XPR1: variants seen among roughly 807,000 people sequenced by gnomAD.
XPR1 encodes xenotropic and polytropic retrovirus receptor 1.
Under a neutral mutation model 87.5 loss-of-function variants are expected in XPR1, and 28 were observed. That is an observed-to-expected ratio of 0.32 (90% confidence interval 0.24 to 0.44). XPR1 has a LOEUF of 0.44. XPR1 is among the 20% of genes least tolerant of loss of function. The pLI, the probability that XPR1 is intolerant of heterozygous loss-of-function variation, is 1.00. For synonymous variants in XPR1, 300 were observed against 306.1 expected, an observed-to-expected ratio of 0.98 and a Z score of 0.21; for missense variants, 559 against 862.3, an observed-to-expected ratio of 0.65 and a Z score of 4.41.
Position 180,680,211 on chromosome 1 carries a change from AAAAAC to A in XPR1, c.70-2129_70-2125del, listed in dbSNP as rs575837051. Among the ~76,000 whole-genome samples the A allele has an allele frequency of 8.6e-3, 1,301 of 151,976 alleles. 18 individuals are homozygous for A. Among genetic ancestry groups the A allele is most frequent in the African/African-American group, 0.028 (1,140 of 41,342 alleles). ...CAGTTAGGCTGTTATCAAAACGACA[AAAAAC>A]AAAACAAAACAAAACAAAAACAATA... On this transcript the variant is annotated intron_variant, in intron 1 of 14. Coordinates refer to ENST00000367590, the MANE Select transcript of XPR1 (RefSeq NM_004736.4).
At chr1:180,677,343 T>C (rs1452045596) in intron 1 of XPR1, among the ~76,000 whole-genome samples, 1 of 152,196 alleles carries the variant, frequency 6.6e-6, no homozygotes, top group Non-Finnish European at 1.5e-5. Context: ...TCAGTCTCCC[T>C]GAAAATTCGG....
chr1:180,654,839 T>C (rs1243880426), intron 1 of XPR1, among the ~76,000 whole-genome samples: 1 of 152,144 alleles, frequency 6.6e-6, no homozygotes, highest in Non-Finnish European at 1.5e-5. Context: ...AATGCTAAAA[T>C]ACGAAGGCAA....
At chr1:180,865,161 G>A (rs1652345187) in intron 12 of XPR1, among the ~76,000 whole-genome samples, 3 of 152,266 alleles carry the variant, frequency 2.0e-5, no homozygotes, top group Admixed American at 1.3e-4. Flanking sequence ...AAGGGGAAAA[G>A]GGGAGAGTTG....
chr1:180,665,213 C>T (rs1359131590), intron 1 of XPR1, among the ~76,000 whole-genome samples: 2 of 152,260 alleles, frequency 1.3e-5, no homozygotes, highest in East Asian at 3.9e-4. Context: ...ATGCCAGACG[C>T]TTATAAAACC....
chr1:180,757,880 A>G (rs980020308), intron 2 of XPR1, among the ~76,000 whole-genome samples: 1 of 149,164 alleles, frequency 6.7e-6, no homozygotes, highest in African/African-American at 2.4e-5. Flanking sequence ...AAAAAAAAAA[A>G]AAAAAAAAAA....
rs34147299 is a variant in XPR1, at chr1:180,813,040, TC to T, written c.763+1562del. On this transcript the variant is annotated intron_variant, in intron 7 of 14. Coordinates refer to ENST00000367590, the MANE Select transcript of XPR1 (RefSeq NM_004736.4). ...TCCTTATAGCTACTAGTGTCTTTTT[TC>T]CCCCCCCCCAATGGAAGTTAGATCA... Among the ~76,000 whole-genome samples the T allele has an allele frequency of 1.2e-3, 159 of 136,984 alleles. 2 individuals are homozygous for T. The highest frequency in any genetic ancestry group is 3.0e-3 in the African/African-American group (110 of 37,130). 89.9% of individuals were successfully genotyped at this position (136,984 alleles called of 152,430 possible).
chr1:180,757,291 TTTG>T (rs1456661385), intron 2 of XPR1, among the ~76,000 whole-genome samples: 1 of 152,090 alleles, frequency 6.6e-6, no homozygotes, highest in South Asian at 2.1e-4. Context: ...GAAACGGGAT[TTTG>T]TTGTTGTTGC....
rs564339424 is a variant in XPR1, at chr1:180,715,209, T to A, written c.121+32798T>A. 1.8e-4 allele frequency among the ~76,000 whole-genome samples: 28 copies of A among 152,186 alleles called. 1 individual carries two copies. The highest frequency in any genetic ancestry group is 6.8e-4 in the African/African-American group (28 of 41,446). On this transcript the variant is annotated intron_variant, in intron 2 of 14. Coordinates refer to ENST00000367590, the MANE Select transcript of XPR1 (RefSeq NM_004736.4). ...GATGAAAATATTAATGTAAATAAAG[T>A]GTTCAGAAATAAGGAAGGTAATTAT...
intron 1 of XPR1, among the ~76,000 whole-genome samples, chr1:180,681,102 T>C (rs1277819660): frequency 6.6e-6 from 1 of 152,110 alleles, no homozygotes; most frequent in African/African-American, 2.4e-5. Context: ...TGTTAAAGGA[T>C]ATAGAATTAC....
chr1:180,752,787 A>G (rs910713497), intron 2 of XPR1, among the ~76,000 whole-genome samples: 4 of 152,230 alleles, frequency 2.6e-5, no homozygotes, highest in Non-Finnish European at 5.9e-5. Context: ...AAGAATTTCC[A>G]AAACACAGAT....
intron 1 of XPR1, among the ~76,000 whole-genome samples, chr1:180,644,877 A>T (rs1284328398): frequency 1.3e-5 from 2 of 152,000 alleles, no homozygotes; most frequent in African/African-American, 4.8e-5. Flanking sequence ...AGTGGGAAGC[A>T]GCGCTTGTTT....
chr1:180,846,502 C>T (rs752305925), intron 11 of XPR1, among the ~76,000 whole-genome samples: 1 of 150,962 alleles, frequency 6.6e-6, no homozygotes, highest in Admixed American at 6.6e-5. Flanking sequence ...AGTGCAGTGG[C>T]ACGATCTCAG....
intron 6 of XPR1, 67 bp downstream of exon 6, chr1:180,806,624 G>T: frequency 7.1e-7 from 1 of 1,406,958 alleles, no homozygotes; most frequent in Non-Finnish European, 9.7e-7. Flanking sequence ...TATTTAGCTG[G>T]CCCCATTATC....
chr1:180,712,959 AAGT>A (rs1425691515), intron 2 of XPR1, among the ~76,000 whole-genome samples: 1 of 145,424 alleles, frequency 6.9e-6, no homozygotes, highest in Non-Finnish European at 1.5e-5. Context: ...TTTTTTTTCA[AAGT>A]AGTTTTGTCT....
chr1:180,843,733 A>G lies in XPR1; in HGVS notation c.1501+7017A>G, dbSNP rs140675180. ...AAAAGAACACATATGCTTACACCCA[A>G]TACCATTTTGGTAGTCTTATCTCTA... On this transcript the variant is annotated intron_variant, in intron 11 of 14. Coordinates refer to ENST00000367590, the MANE Select transcript of XPR1 (RefSeq NM_004736.4). Among the ~76,000 whole-genome samples the G allele has an allele frequency of 2.9e-3, 434 of 151,678 alleles. 3 individuals are homozygous for G. Among genetic ancestry groups the G allele is most frequent in the African/African-American group, 9.5e-3 (392 of 41,384 alleles).
chr1:180,665,298 C>T lies in XPR1; in HGVS notation c.70-17062C>T, dbSNP rs142204330. Among the ~76,000 whole-genome samples the T allele has an allele frequency of 3.3e-3, 502 of 152,296 alleles. 2 individuals carry two copies. Among genetic ancestry groups the T allele is most frequent in the African/African-American group, 0.011 (438 of 41,566 alleles). Reference sequence around the variant, plus strand: ...ACCGCCGCCGTGATCCAAGTACCTCCACCTGGTCCCACCCTTGACATTCGT... The same window carrying T: ...ACCGCCGCCGTGATCCAAGTACCTCTACCTGGTCCCACCCTTGACATTCGT... On this transcript the variant is annotated intron_variant, in intron 1 of 14. Coordinates refer to ENST00000367590, the MANE Select transcript of XPR1 (RefSeq NM_004736.4).
At chr1:180,861,249 T>A (rs1652211022) in intron 11 of XPR1, among the ~76,000 whole-genome samples, 2 of 151,940 alleles carry the variant, frequency 1.3e-5, no homozygotes, top group Admixed American at 1.3e-4. Context: ...TACATTCAGT[T>A]TTTTTAAGTG....
chr1:180,826,126 C>CT (rs1367114891), intron 9 of XPR1, among the ~76,000 whole-genome samples: 1 of 152,150 alleles, frequency 6.6e-6, no homozygotes, highest in Non-Finnish European at 1.5e-5. Flanking sequence ...TTACCTGTCT[C>CT]TTAATGATCT....
intron 2 of XPR1, among the ~76,000 whole-genome samples, chr1:180,717,882 T>G (rs895625932): frequency 5.3e-5 from 8 of 152,156 alleles, no homozygotes; most frequent in African/African-American, 1.9e-4. Context: ...TTGTGTTTTT[T>G]GTCATTGAAA....
Sources: gnomAD v4.1 joint callset for allele counts (sites outside exome capture counted in the v4.1 genomes callset) on GRCh38, gnomAD v4.1.1 for gene constraint, MANE v1.5 for transcripts, NCBI Gene and HGNC (gene_info 2026-07-23, HGNC 2026-07-21) for gene names.